ZMYM6: variants seen among roughly 807,000 people sequenced by gnomAD.
ZMYM6 encodes zinc finger MYM-type containing 6.
Under a neutral mutation model 134.0 loss-of-function variants are expected in ZMYM6, and 90 were observed. That is an observed-to-expected ratio of 0.67 (90% CI 0.57 to 0.80). ZMYM6 has a LOEUF of 0.80. Among genes scored for constraint, ZMYM6 ranks in the 30% least tolerant of loss-of-function variants. The pLI is 0.00. For missense variants in ZMYM6, 1,362 were observed against 1,533.9 expected, an observed-to-expected ratio of 0.89 and a Z score of 1.87; for synonymous variants, 481 against 524.1, an observed-to-expected ratio of 0.92 and a Z score of 1.12.
intron 11 of ZMYM6, among the ~76,000 whole-genome samples, 165 bp downstream of exon 11, chr1:35,008,587 A>G (rs6691848): frequency 0.24 from 36,152 of 152,132 alleles, 10,496 homozygotes; most frequent in African/African-American, 0.69. Flanking sequence ...TTTTTATCCC[A>G]AAGATTTCCT....
chr1:35,017,613 A>G (rs1641228509), intron 4 of ZMYM6: 1 of 152,234 alleles, frequency 6.6e-6, no homozygotes, highest in South Asian at 2.1e-4. Flanking sequence ...ACATTTTTCT[A>G]ATTTTTTTAA....
rs1640594990 is a variant in ZMYM6 at position 34,987,406 on chromosome 1, T to G, written c.3676A>C (p.Asn1226His). ...TTTTCTTCTTCGAAGTCGGTGAGAT[T>G]ATTATTTTGGTGATTCATAAAAGGG... ...IHPFMNHQNN[N>H]LTDFEEEKLT... Residue 1226 changes from asparagine (N) to histidine (H), a missense_variant, in exon 16 of 16, where the codon AAT becomes CAT. Physicochemically the swap from Asn to His is moderately conservative, Grantham distance 68. Around this residue, in one of 3 missense-constraint regions of ZMYM6, gnomAD observed 824 missense variants for 940.9 expected, o/e 0.88. Transcript: ENST00000357182. The G allele has an allele frequency of 3.1e-6, 5 of 1,614,108 alleles. No homozygotes were observed. The African/African-American group carries it at 4.0e-5, about 13-fold the overall frequency.
At position 35,010,849 on chromosome 1, in the gene ZMYM6, T is replaced by C; in HGVS notation, c.1250A>G (p.Gln417Arg). 2.5e-6 allele frequency: 4 copies of C among 1,613,682 alleles called. No individual in the cohort carries two copies. Among genetic ancestry groups the C allele is most frequent in the Non-Finnish European group, 2.5e-6 (3 of 1,179,882 alleles). ...AACTGTATGGGTTAAAGCAACTTGC[T>C]GGGATTGTTCAGCAAGAGGTTGGAG... Reference protein sequence around the residue: ...ASLQPLAEQSQQVALTHTVVK... With the variant: ...ASLQPLAEQSRQVALTHTVVK... Residue 417 changes from glutamine to arginine, a missense_variant, in exon 9 of 16, where the codon CAG (glutamine) becomes CGG (arginine). Physicochemically the swap from Gln to Arg is conservative, Grantham distance 43 (BLOSUM62 1). Transcript: ENST00000357182.
chr1:35,023,307 A>T (rs1471670347), intron 2 of ZMYM6, among the ~76,000 whole-genome samples: 5 of 151,994 alleles, frequency 3.3e-5, no homozygotes, highest in Non-Finnish European at 7.4e-5. Context: ...GGGTTTCTCC[A>T]TGTTGGTCAG....
At chr1:35,016,734 G>A (rs1641193724) in intron 4 of ZMYM6, among the ~76,000 whole-genome samples, 1 of 152,186 alleles carries the variant, frequency 6.6e-6, no homozygotes. Flanking sequence ...ACTTTGGAAG[G>A]CCAAGGCAGA....
chr1:34,991,833 C>T (rs965480793), intron 15 of ZMYM6, among the ~76,000 whole-genome samples: 1 of 152,000 alleles, frequency 6.6e-6, no homozygotes, highest in African/African-American at 2.4e-5. Flanking sequence ...ACTATTAAAG[C>T]AATTGAAAAT....
intron 14 of ZMYM6, among the ~76,000 whole-genome samples, chr1:34,993,045 GA>G (rs1165424101): frequency 4.1e-5 from 6 of 146,496 alleles, no homozygotes; most frequent in Non-Finnish European, 4.5e-5. Context: ...AGATCTCAGG[GA>G]AAAAAAAAGA....
rs550144356 is a variant in ZMYM6 at position 35,021,118 on chromosome 1, A to AAT, written c.94-652_94-651insAT. 6.5e-5 allele frequency among the ~76,000 whole-genome samples: 9 copies of AAT among 139,332 alleles called. No homozygotes were observed. In the East Asian group the frequency reaches 1.7e-3, roughly 27 times the overall value. The allele number at this position is 139,332 out of a possible 152,430, so 91.4% of individuals were successfully genotyped here. On this transcript the variant is annotated intron_variant, in intron 2 of 15. Transcript: ENST00000357182. ...AAGGGGGTAATAAATGAAAAAAAAA[A>AAT]TTTTTTTTTTTTTTTGACATGGAGT...
intron 8 of ZMYM6, among the ~76,000 whole-genome samples, chr1:35,011,428 T>C (rs1641084320): frequency 6.6e-6 from 1 of 152,182 alleles, no homozygotes; most frequent in South Asian, 2.1e-4. Flanking sequence ...GTTCCTACCC[T>C]GGAGATTACT....
Position 35,022,875 on chromosome 1 carries a change from G to A in ZMYM6, c.94-2408C>T, listed in dbSNP as rs139199336. On this transcript the variant is annotated intron_variant, in intron 2 of 15. Coordinates refer to ENST00000357182, the MANE Select transcript of ZMYM6 (RefSeq NM_007167.4). ...ATCGCCCAACACAGTCAACATAACA[G>A]TAATGACTATAGGTTCTAACAGCAG... 1.2e-4 allele frequency among the ~76,000 whole-genome samples: 19 copies of A among 152,186 alleles called. No homozygotes were observed. The East Asian group carries it at 3.7e-3, about 29-fold the overall frequency.
Position 35,030,782 on chromosome 1 carries a change from G to A in ZMYM6, c.-74-69C>T. ...CTATATGAAAGAAAAACTTTGTGTT[G>A]AGTGCATGAGGCTTCACGGCTCGGC... On this transcript the variant is annotated intron_variant, in intron 1 of 15. Transcript: ENST00000357182. The A allele has an allele frequency of 3.9e-6, 3 of 774,258 alleles. No homozygotes were observed. The South Asian group carries it at 5.4e-5, about 14-fold the overall frequency. The allele number at this position is 774,258 out of a possible 1,614,324, so 48.0% of individuals were successfully genotyped here. A position where few individuals can be genotyped will look rare whatever the true frequency, so the allele number is the denominator to read the frequency against.
intron 3 of ZMYM6, 101 bp downstream of exon 3, chr1:35,020,282 A>G (rs1021201530): frequency 9.2e-7 from 1 of 1,088,902 alleles, no homozygotes; most frequent in Non-Finnish European, 1.3e-6. Context: ...ACACAGCTCT[A>G]AAGAAAGAGA....
intron 14 of ZMYM6, 97 bp downstream of exon 14, chr1:35,003,871 C>A: frequency 8.8e-7 from 1 of 1,134,642 alleles, no homozygotes; most frequent in Non-Finnish European, 1.3e-6. Context: ...CCTCTTCCAG[C>A]AAAAAGAAAA....
intron 15 of ZMYM6, among the ~76,000 whole-genome samples, chr1:34,991,871 C>T (rs1043080180): frequency 6.6e-6 from 1 of 151,914 alleles, no homozygotes; most frequent in African/African-American, 2.4e-5. Flanking sequence ...AAAAGTAATA[C>T]TTCACAACTT....
chr1:35,005,948 A>C (rs1000991458), intron 12 of ZMYM6, among the ~76,000 whole-genome samples: 2 of 152,260 alleles, frequency 1.3e-5, no homozygotes, highest in African/African-American at 2.4e-5. Context: ...CAGACTGCAA[A>C]GAGCCAAAGC....
At chr1:34,998,609 C>T (rs375279150) in intron 14 of ZMYM6, among the ~76,000 whole-genome samples, 4 of 151,776 alleles carry the variant, frequency 2.6e-5, no homozygotes, top group East Asian at 1.9e-4. Flanking sequence ...ACTAAGGAGG[C>T]GGTAATGGAG....
chr1:35,012,314 CTT>C, intron 7 of ZMYM6, 115 bp downstream of exon 7: 1 of 1,005,638 alleles, frequency 9.9e-7, no homozygotes, highest in East Asian at 2.9e-5. Context: ...AAAAGTCAGT[CTT>C]GGGTTTTTAT....
chr1:35,016,849 T>G (rs112242007), intron 4 of ZMYM6, among the ~76,000 whole-genome samples: 2,977 of 149,452 alleles, frequency 0.02, 101 homozygotes, highest in African/African-American at 0.069. Context: ...TAAAAAAAAT[T>G]TTTTAATTAG....
chr1:35,006,343 A>G (rs1419577834), intron 12 of ZMYM6, among the ~76,000 whole-genome samples: 1 of 152,158 alleles, frequency 6.6e-6, no homozygotes, highest in African/African-American at 2.4e-5. Context: ...AGAAAGAAAT[A>G]CTTAGGAGAG....
Sources: allele counts gnomAD v4.1 joint callset (sites outside exome capture counted in the v4.1 genomes callset), GRCh38; gene constraint gnomAD v4.1.1; regional missense constraint gnomAD v4.1.1; transcripts MANE v1.5; gene names NCBI Gene and HGNC (gene_info 2026-07-23, HGNC 2026-07-21).